Variants in STARD13 observed in about 807,000 individuals in gnomAD.
STARD13 encodes stAR-related lipid transfer protein 13.
In STARD13, 62 loss-of-function variants were observed where a neutral mutation model predicts 106.4. The ratio of observed to expected loss-of-function variants is 0.58; its 90% CI spans 0.48 to 0.72. STARD13 has a LOEUF of 0.72. STARD13 is among the 30% of genes least tolerant of loss of function. STARD13 has a pLI of 0.00. For missense variants in STARD13, 1,387 were observed against 1,424.0 expected (o/e 0.97, Z 0.42); for synonymous variants, 565 against 553.0 (o/e 1.02, Z -0.31).
chr13:33,607,934 G>A, the STARD13 span, among the ~76,000 whole-genome samples: 1 of 152,160 alleles, frequency 6.6e-6, no homozygotes, highest in African/African-American at 2.4e-5. Flanking sequence ...TTTAGAGATA[G>A]AGTCTCACTT....
chr13:33,607,098 GT>G, the STARD13 span, among the ~76,000 whole-genome samples: 142 of 130,840 alleles, frequency 1.1e-3, no homozygotes, highest in East Asian at 4.8e-3. Flanking sequence ...GGACAGTTTT[GT>G]TTTTTTTTTT....
At chr13:33,387,316 T>G in the STARD13 span, among the ~76,000 whole-genome samples, 1 of 152,144 alleles carries the variant, frequency 6.6e-6, no homozygotes, top group East Asian at 1.9e-4. Flanking sequence ...GCGTAATGTT[T>G]TCATCTCAAT....
chr13:33,541,866 A>G, the STARD13 span, among the ~76,000 whole-genome samples: 1 of 152,242 alleles, frequency 6.6e-6, no homozygotes, highest in Non-Finnish European at 1.5e-5. Flanking sequence ...GTTTCCTTGC[A>G]GCATCTAAAA....
chr13:33,135,129 A>G (rs966987911), intron 4 of STARD13, among the ~76,000 whole-genome samples: 2 of 152,248 alleles, frequency 1.3e-5, no homozygotes, highest in African/African-American at 4.8e-5. Flanking sequence ...CAAGGATCTA[A>G]GAACCACAAC....
intron 3 of STARD13, among the ~76,000 whole-genome samples, chr13:33,151,298 G>A (rs1327077986): frequency 1.3e-5 from 2 of 152,172 alleles, no homozygotes; most frequent in Non-Finnish European, 2.9e-5. Context: ...GCTGTACAAG[G>A]AGCATGGTGT....
intron 2 of STARD13, 99 bp from the exon 3 acceptor site, chr13:33,165,517 T>A: frequency 2.4e-6 from 2 of 827,114 alleles, no homozygotes; most frequent in Non-Finnish European, 4.0e-6. Flanking sequence ...CTGATTTTAA[T>A]AGCAGTGACT....
At chr13:33,344,170 C>A (rs1452173079), downstream of STARD13, among the ~76,000 whole-genome samples, 1 of 151,328 alleles carries the variant, frequency 6.6e-6, no homozygotes, top group Non-Finnish European at 1.5e-5. Context: ...ATCAGAATCT[C>A]CGGGAGGAGG....
At chr13:33,212,529 A>G (rs896824517) in intron 1 of STARD13, among the ~76,000 whole-genome samples, 1 of 152,186 alleles carries the variant, frequency 6.6e-6, no homozygotes, top group Admixed American at 6.5e-5. Flanking sequence ...ATTAATCCTC[A>G]GGGGTCCTGC....
chr13:33,409,206 A>T, the STARD13 span, among the ~76,000 whole-genome samples: 4 of 152,226 alleles, frequency 2.6e-5, no homozygotes, highest in East Asian at 7.7e-4. Context: ...TTTTTGTACG[A>T]TTTATATATC....
At chr13:33,269,269 CA>C (rs991681320) in intron 1 of STARD13, among the ~76,000 whole-genome samples, 50 of 152,170 alleles carry the variant, frequency 3.3e-4, no homozygotes, top group African/African-American at 1.2e-3. Flanking sequence ...ATACTGATAT[CA>C]AAACTATCAA....
chr13:33,531,878 ATTTG>A, the STARD13 span, among the ~76,000 whole-genome samples: 10 of 152,206 alleles, frequency 6.6e-5, no homozygotes, highest in South Asian at 2.1e-4. Context: ...ATAATTACTC[ATTTG>A]TTTTTTATCT....
chr13:33,278,022 T>A (rs1343838015), intron 1 of STARD13, among the ~76,000 whole-genome samples: 2 of 152,196 alleles, frequency 1.3e-5, no homozygotes, highest in African/African-American at 2.4e-5. Flanking sequence ...ATGCAAGAAG[T>A]ATATTCAGAG....
At chr13:33,345,652 T>A (rs1223682656), downstream of STARD13, among the ~76,000 whole-genome samples, 6 of 152,138 alleles carry the variant, frequency 3.9e-5, no homozygotes, top group Non-Finnish European at 8.8e-5. Context: ...TAGTGGAAAT[T>A]TAGCAACTGC....
chr13:33,293,755 C>G, intron 1 of STARD13, among the ~76,000 whole-genome samples: 1 of 152,158 alleles, frequency 6.6e-6, no homozygotes, highest in East Asian at 1.9e-4. Flanking sequence ...AAGGAAAAGG[C>G]GAGACTGGCC....
intron 1 of STARD13, among the ~76,000 whole-genome samples, chr13:33,270,875 T>A (rs182762019): frequency 1.3e-5 from 2 of 152,300 alleles, no homozygotes; most frequent in African/African-American, 4.8e-5. Context: ...GGAAACCCAA[T>A]TAGTGAAGAA....
chr13:33,667,263 T>C, the STARD13 span, among the ~76,000 whole-genome samples: 1 of 152,230 alleles, frequency 6.6e-6, no homozygotes, highest in Non-Finnish European at 1.5e-5. Flanking sequence ...CAGCATTATC[T>C]TGAGAATCTC....
intron 3 of STARD13, among the ~76,000 whole-genome samples, chr13:33,151,204 T>C (rs545454444): frequency 2.6e-5 from 4 of 152,316 alleles, no homozygotes; most frequent in African/African-American, 9.6e-5. Flanking sequence ...GGGGTGTTAG[T>C]CTGTTTTCAT....
the STARD13 span, among the ~76,000 whole-genome samples, chr13:33,382,542 C>G: frequency 6.6e-6 from 1 of 152,240 alleles, no homozygotes; most frequent in Middle Eastern, 3.4e-3. Flanking sequence ...GGGAGGGACC[C>G]TGATTCTGCT....
chr13:33,521,197 C>G, the STARD13 span, among the ~76,000 whole-genome samples: 1 of 152,102 alleles, frequency 6.6e-6, no homozygotes, highest in African/African-American at 2.4e-5. Flanking sequence ...CAGACATGTT[C>G]TACAGGGCAG....
Sources: gnomAD v4.1 joint callset for allele counts (sites outside exome capture counted in the v4.1 genomes callset) on GRCh38, gnomAD v4.1.1 for gene constraint, MANE v1.5 for transcripts, NCBI Gene and HGNC (gene_info 2026-07-23, HGNC 2026-07-21) for gene names.